Variants in AKT3 observed in about 807,000 individuals in gnomAD.
The protein encoded by AKT3 is RAC-gamma serine/threonine-protein kinase.
In AKT3, 15 loss-of-function variants were observed where a neutral mutation model predicts 65.3. That is an observed-to-expected ratio of 0.23 (90% CI 0.15 to 0.35). The LOEUF is 0.35. Among genes scored for constraint, AKT3 ranks in the 10% least tolerant of loss-of-function variants. AKT3 has a pLI of 1.00. For synonymous variants in AKT3, 206 were observed against 183.8 expected (o/e 1.12, Z -0.98); for missense variants, 243 against 576.5 (o/e 0.42, Z 5.92).
At chr1:243,596,054 T>C (rs1676590309) in intron 8 of AKT3, among the ~76,000 whole-genome samples, 1 of 152,190 alleles carries the variant, frequency 6.6e-6, no homozygotes, top group Admixed American at 6.5e-5. Context: ...TTTACATCAC[T>C]AGGCAATATG....
intron 13 of AKT3, among the ~76,000 whole-genome samples, chr1:243,493,285 C>T (rs1054277777): frequency 1.3e-5 from 2 of 152,028 alleles, no homozygotes; most frequent in African/African-American, 4.8e-5. Context: ...TTGGGCAGGG[C>T]CTGACAGCTT....
At chr1:243,596,240 T>C (rs1676604215) in intron 8 of AKT3, among the ~76,000 whole-genome samples, 1 of 152,080 alleles carries the variant, frequency 6.6e-6, no homozygotes, top group South Asian at 2.1e-4. Flanking sequence ...AAGGCAAGAA[T>C]TGATAAATAA....
chr1:243,763,957 C>A (rs758979898), intron 2 of AKT3, among the ~76,000 whole-genome samples: 1 of 151,988 alleles, frequency 6.6e-6, no homozygotes, highest in Non-Finnish European at 1.5e-5. Context: ...ACTGAGACTA[C>A]GAAGTTAACA....
intron 13 of AKT3, among the ~76,000 whole-genome samples, chr1:243,493,940 C>T (rs6429428): frequency 0.085 from 12,845 of 151,818 alleles, 1,423 homozygotes; most frequent in African/African-American, 0.26. Flanking sequence ...GACTCCCTGC[C>T]GAGGGAGGCC....
At chr1:243,520,380 T>C (rs1670647390) in intron 12 of AKT3, among the ~76,000 whole-genome samples, 1 of 152,154 alleles carries the variant, frequency 6.6e-6, no homozygotes. Flanking sequence ...AGAAAATGAA[T>C]TTCTGTTGTT....
intron 2 of AKT3, among the ~76,000 whole-genome samples, chr1:243,709,714 T>C (rs760249970): frequency 6.6e-5 from 10 of 152,024 alleles, no homozygotes; most frequent in Non-Finnish European, 1.2e-4. Context: ...AAGGTCATTT[T>C]ATAAAATTCT....
chr1:243,686,343 AAAG>A (rs1018849325), intron 3 of AKT3, among the ~76,000 whole-genome samples: 3 of 151,976 alleles, frequency 2.0e-5, no homozygotes, highest in Non-Finnish European at 4.4e-5. Flanking sequence ...AGTCATTAAG[AAAG>A]AATAGCCCTG....
chr1:243,507,641 A>G (rs959531739), intron 13 of AKT3, among the ~76,000 whole-genome samples: 4 of 152,216 alleles, frequency 2.6e-5, no homozygotes, highest in African/African-American at 9.6e-5. Flanking sequence ...AGTGATGATA[A>G]TGAACATGAA....
chr1:243,814,268 T>C (rs543079598), intron 2 of AKT3, among the ~76,000 whole-genome samples: 2 of 152,270 alleles, frequency 1.3e-5, no homozygotes, highest in East Asian at 1.9e-4. Flanking sequence ...AGTAAATTGA[T>C]AGAGGGGCTT....
At chr1:243,496,425 A>G (rs3006933), downstream of AKT3, among the ~76,000 whole-genome samples, 74,720 of 152,126 alleles carry the variant, frequency 0.49, 19,792 homozygotes, top group African/African-American at 0.7. Flanking sequence ...AGATGGAGGT[A>G]GGGGGAGGGG....
intron 1 of AKT3, among the ~76,000 whole-genome samples, chr1:243,846,048 G>A (rs1038790495): frequency 6.6e-6 from 1 of 152,174 alleles, no homozygotes; most frequent in African/African-American, 2.4e-5. Context: ...AATCTACGGA[G>A]TATCTACTTC....
At chr1:243,669,482 A>G (rs575050458) in intron 3 of AKT3, among the ~76,000 whole-genome samples, 7 of 152,304 alleles carry the variant, frequency 4.6e-5, no homozygotes, top group African/African-American at 1.7e-4. Context: ...TAATTAAGAT[A>G]ATGGACTCTG....
rs1330346360 is a variant in AKT3, at chr1:243,530,867, T to G, written c.1251+14643A>C. ...TTCAATTTTCTTGAGTAGCCTAAGC[T>G]TGGTGTTCTATTTCTTTTAACTTAC... On this transcript the variant is annotated intron_variant, in intron 12 of 13. Coordinates refer to ENST00000673466, the MANE Select transcript of AKT3 (RefSeq NM_005465.7). Among the ~76,000 whole-genome samples the G allele has an allele frequency of 2.6e-5, 4 of 152,134 alleles. No individual in the cohort carries two copies. In the South Asian group the frequency reaches 6.2e-4, roughly 24 times the overall value.
At chr1:243,662,256 T>G (rs915290263) in intron 4 of AKT3, among the ~76,000 whole-genome samples, 4 of 151,904 alleles carry the variant, frequency 2.6e-5, no homozygotes, top group Admixed American at 1.3e-4. Context: ...CACATGCACA[T>G]GTATGTTTAT....
At chr1:243,802,835 A>G (rs1692459832) in intron 2 of AKT3, among the ~76,000 whole-genome samples, 1 of 152,196 alleles carries the variant, frequency 6.6e-6, no homozygotes, top group African/African-American at 2.4e-5. Flanking sequence ...GCAAAACAAA[A>G]AAGTCAATGC....
chr1:243,553,165 AG>A (rs750116384), intron 10 of AKT3, among the ~76,000 whole-genome samples: 74 of 152,086 alleles, frequency 4.9e-4, no homozygotes, highest in Non-Finnish European at 9.6e-4. Flanking sequence ...GTACAAAAAA[AG>A]GGGCAGGTCG....
At chr1:243,765,169 C>T (rs981320829) in intron 2 of AKT3, among the ~76,000 whole-genome samples, 2 of 151,942 alleles carry the variant, frequency 1.3e-5, no homozygotes, top group African/African-American at 4.8e-5. Context: ...GATTATATGG[C>T]TTACAGTAAT....
chr1:243,590,867 T>C (rs747996635), intron 8 of AKT3, among the ~76,000 whole-genome samples: 15 of 152,132 alleles, frequency 9.9e-5, no homozygotes, highest in Non-Finnish European at 1.8e-4. Flanking sequence ...TTTTCTAAAA[T>C]TGGATAAATA....
intron 6 of AKT3, chr1:243,624,983 C>T: frequency 3.0e-6 from 1 of 333,094 alleles, no homozygotes; most frequent in Non-Finnish European, 6.2e-6. Flanking sequence ...TGACAAAGCC[C>T]ATCCCTAGAG....
Sources: gnomAD v4.1 joint callset for allele counts (sites outside exome capture counted in the v4.1 genomes callset) on GRCh38, gnomAD v4.1.1 for gene constraint, MANE v1.5 for transcripts, NCBI Gene and HGNC (gene_info 2026-07-23, HGNC 2026-07-21) for gene names.